The following ZYG11A variants were observed in gnomAD, a reference collection of about 807,000 sequenced individuals.
The protein encoded by ZYG11A is protein zyg-11 homolog A.
In ZYG11A, 62 loss-of-function variants were observed where a neutral mutation model predicts 77.2. The ratio of observed to expected loss-of-function variants is 0.80; its 90% CI spans 0.65 to 0.99. ZYG11A has a LOEUF of 0.99. ZYG11A is among the 50% of genes least tolerant of loss of function. ZYG11A has a pLI of 0.00. For synonymous variants in ZYG11A, 315 were observed against 324.6 expected (o/e 0.97, Z 0.32); for missense variants, 828 against 896.8 (o/e 0.92, Z 0.98).
In ZYG11A at chr1:52,869,934, A is replaced by G. The variant is rs1258156040; in HGVS notation, c.1542+2157A>G. 3.1e-3 allele frequency among the ~76,000 whole-genome samples: 146 copies of G among 47,702 alleles called. 1 individual carries two copies. The highest frequency in any genetic ancestry group is 5.0e-3 in the Non-Finnish European group (79 of 15,866). The allele number at this position is 47,702 out of a possible 152,430, so 31.3% of individuals were successfully genotyped here. On this transcript the variant is annotated intron_variant, in intron 8 of 13. Transcript: ENST00000371528. ...CTGACCCCCCCCACACCTCCCTCCC[A>G]GACAGGGTGGCTGGCCGGGCGGGGG...
chr1:52,852,763 T>C (rs1364273859), intron 1 of ZYG11A, among the ~76,000 whole-genome samples: 1 of 152,214 alleles, frequency 6.6e-6, no homozygotes, highest in African/African-American at 2.4e-5. Flanking sequence ...AAAATGCATT[T>C]AAGACACCTA....
chr1:52,854,559 T>C lies in ZYG11A; in HGVS notation c.185T>C (p.Leu62Pro). ...TGTTCTGAAAGACCTGATGGAACAC[T>C]GTGCCTTCCGGAGCATTGGAGTTTC... ...KLCSERPDGT[L>P]CLPEHWSFPQ... Residue 62 changes from leucine to proline, a missense_variant, in exon 2 of 14, where the codon CTG becomes CCG. By Grantham distance (98) the Leu-to-Pro change is moderately conservative (BLOSUM62 -3). Coordinates refer to ENST00000371528, the MANE Select transcript of ZYG11A (RefSeq NM_001004339.3). 6.4e-7 allele frequency: 1 copy of C among 1,551,386 alleles called. No individual in the cohort carries two copies. Among genetic ancestry groups the C allele is most frequent in the South Asian group, 1.2e-5 (1 of 83,798 alleles).
Position 52,865,933 on chromosome 1 carries a change from G to GTT in ZYG11A, c.1327-549_1327-548dup, listed in dbSNP as rs35299513. Reference sequence around the variant, plus strand: ...TACAAATGTGTACTTTGTAAAGGGAGTTTTTTTTTTTTTTTTTTTTTTGAG... The same window carrying GTT: ...TACAAATGTGTACTTTGTAAAGGGAGTTTTTTTTTTTTTTTTTTTTTTTTGAG... On this transcript the variant is annotated intron_variant, in intron 5 of 13. Coordinates refer to ENST00000371528, the MANE Select transcript of ZYG11A (RefSeq NM_001004339.3). Among the ~76,000 whole-genome samples, 465 of 96,786 alleles carry GTT rather than the reference G, an allele frequency of 4.8e-3. 9 individuals are homozygous for GTT. Among genetic ancestry groups the GTT allele is most frequent in the African/African-American group, 0.015 (387 of 25,462 alleles). 63.5% of individuals were successfully genotyped at this position (96,786 alleles called of 152,430 possible).
intron 8 of ZYG11A, among the ~76,000 whole-genome samples, chr1:52,872,900 GAAAAGA>G (rs1557448440): frequency 2.2e-5 from 1 of 45,358 alleles, no homozygotes; most frequent in African/African-American, 6.7e-5. Context: ...AAAAAAAAAA[GAAAAGA>G]AAAGAAAGAA....
chr1:52,847,669 GTT>G (rs768011052), intron 1 of ZYG11A, among the ~76,000 whole-genome samples: 5 of 132,812 alleles, frequency 3.8e-5, no homozygotes, highest in Admixed American at 7.6e-5. Context: ...ACTGTACTTT[GTT>G]TTTTTTTTTT....
chr1:52,874,648 T>C (rs1672911), intron 8 of ZYG11A, among the ~76,000 whole-genome samples: 98,859 of 151,996 alleles, frequency 0.65, 33,299 homozygotes, highest in African/African-American at 0.79. Context: ...AGGCGGATCA[T>C]GTGAGGTTAG....
Position 52,885,914 on chromosome 1 carries a change from CTTTTCTTCTTTTTT to C in ZYG11A, c.2006+37_2006+50del, listed in dbSNP as rs1481188136. On this transcript the variant is annotated intron_variant, in intron 12 of 13. Coordinates refer to ENST00000371528, the MANE Select transcript of ZYG11A (RefSeq NM_001004339.3). ...CTATAGGTAATTTCATGGTGTTGTG[CTTTTCTTCTTTTTT>C]TTTTCTTCTTTTTTTTATTTTTGAG... 2.8e-5 allele frequency: 42 copies of C among 1,497,886 alleles called. No individual in the cohort carries two copies. Among genetic ancestry groups the C allele is most frequent in the Admixed American group, 7.7e-5 (3 of 38,880 alleles). The allele number at this position is 1,497,886 out of a possible 1,614,324, so 92.8% of individuals were successfully genotyped here. A position where few individuals can be genotyped will look rare whatever the true frequency, so the allele number is the denominator to read the frequency against.
intron 4 of ZYG11A, among the ~76,000 whole-genome samples, 189 bp from the exon 5 acceptor site, chr1:52,863,792 T>G (rs1018131957): frequency 6.6e-6 from 1 of 152,196 alleles, no homozygotes; most frequent in African/African-American, 2.4e-5. Flanking sequence ...GTCACACAGA[T>G]AGTTAGTGAC....
Position 52,893,061 on chromosome 1 carries a change from C to A in ZYG11A, c.*104C>A. 9.8e-7 allele frequency: 1 copy of A among 1,016,232 alleles called. No individual in the cohort carries two copies. Among genetic ancestry groups the A allele is most frequent in the South Asian group, 1.7e-5 (1 of 59,786 alleles). The allele number at this position is 1,016,232 out of a possible 1,614,324, so 63.0% of individuals were successfully genotyped here. A position where few individuals can be genotyped will look rare whatever the true frequency, so the allele number is the denominator to read the frequency against. On this transcript the variant is annotated 3_prime_UTR_variant, in exon 14 of 14. Coordinates refer to ENST00000371528, the MANE Select transcript of ZYG11A (RefSeq NM_001004339.3). ...ATTGGAGTTTGTGAGTTGGCTGTCTCATTGGCCTTTGATTGTTGATTTTAT... is the reference window on the plus strand; with the variant it reads ...ATTGGAGTTTGTGAGTTGGCTGTCTAATTGGCCTTTGATTGTTGATTTTAT...
At chr1:52,843,246 C>T (rs1004582899) in intron 1 of ZYG11A, among the ~76,000 whole-genome samples, 3 of 152,212 alleles carry the variant, frequency 2.0e-5, no homozygotes, top group Admixed American at 6.5e-5. Context: ...CGGCGAGAGC[C>T]CAGTCCCAGA....
intron 13 of ZYG11A, among the ~76,000 whole-genome samples, chr1:52,889,857 G>C (rs1646510281): frequency 6.6e-6 from 1 of 151,318 alleles, no homozygotes; most frequent in Non-Finnish European, 1.5e-5. Context: ...GACTACAGGC[G>C]CCCGCCACCA....
chr1:52,875,884 C>G (rs368772952), intron 8 of ZYG11A, among the ~76,000 whole-genome samples: 917 of 103,330 alleles, frequency 8.9e-3, no homozygotes, highest in Middle Eastern at 0.04. Flanking sequence ...AGGGGAGTGA[C>G]AAGATGGTGA....
chr1:52,881,444 G>T (rs1646360046), intron 10 of ZYG11A, 27 bp from the exon 11 acceptor site: 3 of 1,481,386 alleles, frequency 2.0e-6, no homozygotes, highest in Non-Finnish European at 2.7e-6. Flanking sequence ...CTTGTCTCTG[G>T]GGTTCTCTGC....
chr1:52,870,284 C>T (rs1394144993), intron 8 of ZYG11A, among the ~76,000 whole-genome samples: 2 of 149,902 alleles, frequency 1.3e-5, no homozygotes, highest in Non-Finnish European at 3.0e-5. Flanking sequence ...CAGAGGGGCT[C>T]CTCACATCCC....
In ZYG11A at chr1:52,869,474, T is replaced by C. The variant is rs531682675; in HGVS notation, c.1542+1697T>C. 1.8e-3 allele frequency among the ~76,000 whole-genome samples: 273 copies of C among 151,836 alleles called. 5 individuals carry two copies. Among genetic ancestry groups the C allele is most frequent in the African/African-American group, 6.5e-3 (267 of 41,188 alleles). Reference sequence around the variant, plus strand: ...AACGAGCCTGCTGCCTTCAAGCTTCTGTTTAGCAAAGCACATCTTGCACCG... The same window carrying C: ...AACGAGCCTGCTGCCTTCAAGCTTCCGTTTAGCAAAGCACATCTTGCACCG... On this transcript the variant is annotated intron_variant, in intron 8 of 13. Transcript: ENST00000371528.
intron 1 of ZYG11A, among the ~76,000 whole-genome samples, chr1:52,851,809 G>A (rs1444548543): frequency 6.6e-6 from 1 of 151,256 alleles, no homozygotes; most frequent in Non-Finnish European, 1.5e-5. Context: ...GTGCAGTGGT[G>A]TGATCTCAGC....
At chr1:52,849,577 A>G (rs1039968218) in intron 1 of ZYG11A, among the ~76,000 whole-genome samples, 2 of 151,946 alleles carry the variant, frequency 1.3e-5, no homozygotes, top group South Asian at 2.1e-4. Context: ...CATGTTGGCC[A>G]GACTGGTCTT....
chr1:52,860,047 T>C (rs1048955434), intron 3 of ZYG11A, among the ~76,000 whole-genome samples: 4 of 152,188 alleles, frequency 2.6e-5, no homozygotes, highest in African/African-American at 9.7e-5. Context: ...TCAACTGTTA[T>C]TCTGTTTCAT....
At position 52,877,732 on chromosome 1, in the gene ZYG11A, C is replaced by CA; in HGVS notation, c.1594dup (p.Thr532AsnfsTer25). 6.4e-7 allele frequency: 1 copy of CA among 1,552,038 alleles called. No individual in the cohort carries two copies. Among genetic ancestry groups the CA allele is most frequent in the Non-Finnish European group, 8.7e-7 (1 of 1,147,016 alleles). On this transcript the variant is annotated frameshift_variant, in exon 9 of 14. Coordinates refer to ENST00000371528, the MANE Select transcript of ZYG11A (RefSeq NM_001004339.3). LOFTEE classifies it high-confidence loss of function. ...AGACTACTGAGAATTTAGATGATGT[C>CA]ACCTTCTTGTTTACTTTGAAAGCAC...
Sources: allele counts gnomAD v4.1 joint callset (sites outside exome capture counted in the v4.1 genomes callset), GRCh38; gene constraint gnomAD v4.1.1; transcripts MANE v1.5; gene names NCBI Gene and HGNC (gene_info 2026-07-23, HGNC 2026-07-21).